Variants in ZNF430 observed in about 807,000 individuals in gnomAD.
ZNF430 encodes the protein zinc finger protein 430.
A neutral mutation model predicts 56.7 loss-of-function variants in ZNF430; 35 were observed. The ratio of observed to expected loss-of-function variants is 0.62; its 90% CI spans 0.47 to 0.82. The LOEUF is 0.82. Ranked by LOEUF, ZNF430 falls within the 40% of genes least tolerant of loss-of-function variation. ZNF430 has a pLI of 0.00. For missense variants in ZNF430, 574 were observed against 661.0 expected (o/e 0.87, Z 1.44); for synonymous variants, 212 against 224.3 (o/e 0.94, Z 0.49).
intron 4 of ZNF430, among the ~76,000 whole-genome samples, chr19:21,053,024 G>A (rs927098706): frequency 2.6e-5 from 4 of 152,160 alleles, no homozygotes; most frequent in Non-Finnish European, 5.9e-5. Flanking sequence ...GGCTTTAGGT[G>A]TTTCTTTTAC....
intron 4 of ZNF430, among the ~76,000 whole-genome samples, chr19:21,037,457 C>T (rs1568587212): frequency 6.6e-6 from 1 of 152,142 alleles, no homozygotes; most frequent in East Asian, 1.9e-4. Context: ...TCGCTCTACA[C>T]ATATGTTACA....
chr19:21,033,952 A>C (rs1967948188), intron 3 of ZNF430, 134 bp from the exon 4 acceptor site: 1 of 639,972 alleles, frequency 1.6e-6, no homozygotes, highest in Non-Finnish European at 2.4e-6. Context: ...AAATACTTAG[A>C]AATTTCTGTT....
chr19:21,054,374 GTTTTT>G (rs940538084), intron 4 of ZNF430, among the ~76,000 whole-genome samples: 1 of 147,084 alleles, frequency 6.8e-6, no homozygotes, highest in Non-Finnish European at 1.5e-5. Context: ...ATTTTTTAAG[GTTTTT>G]TTTTTTTATT....
intron 2 of ZNF430, among the ~76,000 whole-genome samples, chr19:21,024,641 G>A (rs1272267294): frequency 1.3e-5 from 2 of 152,036 alleles, no homozygotes; most frequent in African/African-American, 4.8e-5. Flanking sequence ...TCAGCCGGGC[G>A]TGGTCACGGG....
chr19:21,025,778 T>C (rs1568583167), intron 2 of ZNF430: 1 of 165,560 alleles, frequency 6.0e-6, no homozygotes, highest in Non-Finnish European at 1.3e-5. Flanking sequence ...TTTTTTTTTT[T>C]TTCAGTCCAA....
Position 21,020,680 on chromosome 19 carries a change from C to T in ZNF430, c.-121C>T. ...TTGTCCCTCGCTGTGGCCTGAGCTCCAGGTCTCGTCTTCAGCGCTCTGTGT... is the reference window on the plus strand; with the variant it reads ...TTGTCCCTCGCTGTGGCCTGAGCTCTAGGTCTCGTCTTCAGCGCTCTGTGT... On this transcript the variant is annotated 5_prime_UTR_variant, in exon 1 of 5. Coordinates refer to ENST00000261560, the MANE Select transcript of ZNF430 (RefSeq NM_025189.4). 2.8e-6 allele frequency: 4 copies of T among 1,440,554 alleles called. No homozygotes were observed. Among genetic ancestry groups the T allele is most frequent in the South Asian group, 1.2e-5 (1 of 86,260 alleles). 89.2% of individuals were successfully genotyped at this position (1,440,554 alleles called of 1,614,324 possible).
At chr19:21,055,338 T>TA (rs571470750) in intron 4 of ZNF430, among the ~76,000 whole-genome samples, 2 of 152,190 alleles carry the variant, frequency 1.3e-5, no homozygotes, top group Non-Finnish European at 2.9e-5. Flanking sequence ...TGATTAGAGA[T>TA]ACTGGGAGTC....
chr19:21,027,992 T>A (rs1451801227), intron 2 of ZNF430, among the ~76,000 whole-genome samples: 1 of 152,198 alleles, frequency 6.6e-6, no homozygotes, highest in Non-Finnish European at 1.5e-5. Context: ...TAGAGCAGCC[T>A]CTATGAGGGG....
intron 4 of ZNF430, among the ~76,000 whole-genome samples, chr19:21,048,032 A>G (rs947688830): frequency 1.3e-5 from 2 of 151,572 alleles, no homozygotes; most frequent in African/African-American, 4.9e-5. Flanking sequence ...CTGTTTTACT[A>G]CCTTTATTTT....
intron 4 of ZNF430, among the ~76,000 whole-genome samples, chr19:21,042,155 G>T (rs1263232421): frequency 1.3e-5 from 2 of 152,040 alleles, no homozygotes; most frequent in African/African-American, 4.8e-5. Context: ...CTTTTTTATG[G>T]TTGCATAGTA....
chr19:21,053,122 T>C (rs577815001), intron 4 of ZNF430, among the ~76,000 whole-genome samples: 1 of 152,248 alleles, frequency 6.6e-6, no homozygotes, highest in South Asian at 2.1e-4. Flanking sequence ...CCCTAGTGGC[T>C]GCACTTAGCT....
intron 4 of ZNF430, among the ~76,000 whole-genome samples, chr19:21,043,079 CTGA>C (rs1968134667): frequency 6.6e-6 from 1 of 152,054 alleles, no homozygotes; most frequent in African/African-American, 2.4e-5. Flanking sequence ...TCTGTTCACT[CTGA>C]TGATAGTTTT....
chr19:21,031,559 CT>C (rs1967901794), intron 2 of ZNF430, among the ~76,000 whole-genome samples: 1 of 152,140 alleles, frequency 6.6e-6, no homozygotes. Flanking sequence ...TGAATCCTTT[CT>C]GTTATAAAGG....
At chr19:21,041,535 A>G (rs1968102489) in intron 4 of ZNF430, among the ~76,000 whole-genome samples, 1 of 152,208 alleles carries the variant, frequency 6.6e-6, no homozygotes, top group East Asian at 1.9e-4. Context: ...TCTGGGATAC[A>G]TGTACAGGAT....
At position 21,045,052 on chromosome 19, in the gene ZNF430, G is replaced by GT. The variant is rs552861945; in HGVS notation, c.322+10874dup. 2.5e-3 allele frequency among the ~76,000 whole-genome samples: 385 copies of GT among 152,150 alleles called. 1 individual carries two copies. Among genetic ancestry groups the GT allele is most frequent in the Middle Eastern group, 0.01 (3 of 294 alleles). On this transcript the variant is annotated intron_variant, in intron 4 of 4. Transcript: ENST00000261560. ...CCTGGATTTATTGGTTTTTTGAAGGGTTTTTTGTGTCTCTATCTCTTTCAG... is the reference window on the plus strand; with the variant it reads ...CCTGGATTTATTGGTTTTTTGAAGGGTTTTTTTGTGTCTCTATCTCTTTCAG...
intron 4 of ZNF430, among the ~76,000 whole-genome samples, chr19:21,050,219 A>G (rs1351303611): frequency 6.6e-6 from 1 of 152,062 alleles, no homozygotes; most frequent in Non-Finnish European, 1.5e-5. Flanking sequence ...TCATGAATAT[A>G]TTGATGGACT....
intron 4 of ZNF430, 117 bp from the exon 5 acceptor site, chr19:21,056,514 A>C: frequency 1.4e-6 from 1 of 695,658 alleles, no homozygotes. Context: ...TAGGGCCTTT[A>C]TTATTTTGCT....
At chr19:21,055,747 A>G (rs750708820) in intron 4 of ZNF430, among the ~76,000 whole-genome samples, 1 of 152,070 alleles carries the variant, frequency 6.6e-6, no homozygotes, top group Non-Finnish European at 1.5e-5. Flanking sequence ...AACCACCACA[A>G]CTGGCCTTTT....
At chr19:21,026,189 C>CTT (rs774603493) in intron 2 of ZNF430, 56 of 148,850 alleles carry the variant, frequency 3.8e-4, no homozygotes, top group South Asian at 2.2e-3. Flanking sequence ...TAATCTCTGA[C>CTT]TTTTTTTTTT....
Sources: gnomAD v4.1 joint callset for allele counts (sites outside exome capture counted in the v4.1 genomes callset) on GRCh38, gnomAD v4.1.1 for gene constraint, MANE v1.5 for transcripts, NCBI Gene and HGNC (gene_info 2026-07-23, HGNC 2026-07-21) for gene names.